SLC6A4: variants seen among roughly 807,000 people sequenced by gnomAD.
The protein encoded by SLC6A4 is solute carrier family 6 member 4.
In SLC6A4, 22 loss-of-function variants were observed where a neutral mutation model predicts 73.4. That is an observed-to-expected ratio of 0.30 (90% CI 0.21 to 0.43). The LOEUF (loss-of-function observed/expected upper bound fraction) is 0.43. SLC6A4 is among the 20% of genes least tolerant of loss of function. The probability of loss-of-function intolerance (pLI) is 1.00; values close to 1 mark genes in which losing one functional copy is unlikely to be tolerated. For synonymous variants in SLC6A4, 270 were observed against 315.5 expected (o/e 0.86, Z 1.53); for missense variants, 593 against 808.5 (o/e 0.73, Z 3.23).
chr17:30,230,089 AGAAGAAGAG>A (rs1442861830), intron 1 of SLC6A4, among the ~76,000 whole-genome samples: 2,540 of 132,868 alleles, frequency 0.019, 84 homozygotes, highest in African/African-American at 0.046. Flanking sequence ...AAGAAGAAGA[AGAAGAAGAG>A]GAGGAAGAGG....
chr17:30,227,475 T>TTGTGTG (rs377239184), intron 1 of SLC6A4, among the ~76,000 whole-genome samples: 15 of 150,674 alleles, frequency 1.0e-4, no homozygotes, highest in Admixed American at 9.9e-4. Context: ...GTGTGTGTGT[T>TTGTGTG]TGTGTGTGTG....
Position 30,216,587 on chromosome 17 carries a change from C to T in SLC6A4, c.838-371G>A, listed in dbSNP as rs547613174. On this transcript the variant is annotated intron_variant, in intron 6 of 14. Coordinates refer to ENST00000650711, the MANE Select transcript of SLC6A4 (RefSeq NM_001045.6). ...GCCACGATTATTAATTGTGGTACTACCAGTGGGTTGAAGGAATCTTGAAAA... is the reference window on the plus strand; with the variant it reads ...GCCACGATTATTAATTGTGGTACTATCAGTGGGTTGAAGGAATCTTGAAAA... Among the ~76,000 whole-genome samples the T allele has an allele frequency of 1.8e-4, 27 of 151,834 alleles. No individual in the cohort carries two copies. The South Asian group carries it at 5.0e-3, about 28-fold the overall frequency.
intron 9 of SLC6A4, among the ~76,000 whole-genome samples, chr17:30,212,419 T>C (rs1282664420): frequency 2.0e-5 from 3 of 152,206 alleles, no homozygotes; most frequent in African/African-American, 7.2e-5. Context: ...CAGGGTCTTA[T>C]TCTGTCACCC....
At chr17:30,221,445 C>A (rs559963025) in intron 3 of SLC6A4, among the ~76,000 whole-genome samples, 171 bp downstream of exon 3, 3 of 146,584 alleles carry the variant, frequency 2.0e-5, no homozygotes, top group African/African-American at 7.4e-5. Context: ...ACAGCCCACC[C>A]GGGTCACAGC....
At chr17:30,225,791 T>G (rs996359135) in intron 1 of SLC6A4, among the ~76,000 whole-genome samples, 7 of 152,340 alleles carry the variant, frequency 4.6e-5, no homozygotes, top group South Asian at 4.1e-4. Flanking sequence ...AGGGGTGCAG[T>G]TGACCAGCCA....
intron 10 of SLC6A4, among the ~76,000 whole-genome samples, chr17:30,210,891 T>C (rs55845558): frequency 0.057 from 8,691 of 152,124 alleles, 402 homozygotes; most frequent in African/African-American, 0.12. Context: ...AACTTCAATA[T>C]ATGAGGTCTC....
At position 30,207,947 on chromosome 17, in the gene SLC6A4, G is replaced by A. The variant is rs561355994; in HGVS notation, c.1550-115C>T. 101 of 724,770 alleles carry A rather than the reference G, an allele frequency of 1.4e-4. 1 individual carries two copies. The South Asian group carries it at 1.8e-3, about 13-fold the overall frequency. The allele number at this position is 724,770 out of a possible 1,614,324, so 44.9% of individuals were successfully genotyped here. Reference sequence around the variant, plus strand: ...ACAGGATCAGCACTGGGAATGACAAGGGGAAATGACAAGCCGGAATTCCTA... The same window carrying A: ...ACAGGATCAGCACTGGGAATGACAAAGGGAAATGACAAGCCGGAATTCCTA... On this transcript the variant is annotated intron_variant, in intron 12 of 14. Transcript: ENST00000650711.
At chr17:30,210,754 T>C in intron 10 of SLC6A4, 108 bp from the exon 11 acceptor site, 1 of 1,232,846 alleles carries the variant, frequency 8.1e-7, no homozygotes, top group East Asian at 2.5e-5. Context: ...CTGGTCAAGC[T>C]GATCATCACC....
intron 5 of SLC6A4, 143 bp from the exon 6 acceptor site, chr17:30,217,447 T>C: frequency 1.3e-6 from 1 of 773,162 alleles, no homozygotes; most frequent in Non-Finnish European, 2.0e-6. Flanking sequence ...CAGGAAGAGC[T>C]GGGATTGGCC....
At chr17:30,226,422 G>A (rs374861526) in intron 1 of SLC6A4, among the ~76,000 whole-genome samples, 6 of 152,220 alleles carry the variant, frequency 3.9e-5, no homozygotes, top group Admixed American at 1.3e-4. Flanking sequence ...CAGGCAAGCC[G>A]GGCCAGCTGG....
chr17:30,227,661 A>G (rs999879344), intron 1 of SLC6A4, among the ~76,000 whole-genome samples: 2 of 151,656 alleles, frequency 1.3e-5, no homozygotes, highest in Non-Finnish European at 2.9e-5. Flanking sequence ...AATTTTTTGT[A>G]TTTTTTTCAG....
chr17:30,223,546 C>T (rs1317966659), intron 1 of SLC6A4, among the ~76,000 whole-genome samples: 1 of 152,204 alleles, frequency 6.6e-6, no homozygotes, highest in Non-Finnish European at 1.5e-5. Flanking sequence ...CAGGCAATGT[C>T]AGTCACTAGG....
At chr17:30,199,830 A>G (rs1905977031) in intron 14 of SLC6A4, among the ~76,000 whole-genome samples, 1 of 152,166 alleles carries the variant, frequency 6.6e-6, no homozygotes. Flanking sequence ...CTAACATGTG[A>G]ACTATACCTG....
At chr17:30,203,850 A>G (rs985775216) in intron 13 of SLC6A4, among the ~76,000 whole-genome samples, 1 of 152,260 alleles carries the variant, frequency 6.6e-6, no homozygotes, top group Admixed American at 6.5e-5. Context: ...CCTGATGTCC[A>G]GGAAAGATAA....
intron 13 of SLC6A4, among the ~76,000 whole-genome samples, chr17:30,203,989 G>A (rs1249573479): frequency 6.6e-6 from 1 of 152,204 alleles, no homozygotes; most frequent in Non-Finnish European, 1.5e-5. Context: ...TCTGCCACTA[G>A]GCATCTCAAC....
intron 9 of SLC6A4, among the ~76,000 whole-genome samples, chr17:30,212,087 G>A (rs1250921303): frequency 6.6e-6 from 1 of 152,060 alleles, no homozygotes; most frequent in Non-Finnish European, 1.5e-5. Context: ...TTCTCCCTCT[G>A]TTGCTCTTTT....
chr17:30,203,987 T>A (rs1906114451), intron 13 of SLC6A4, among the ~76,000 whole-genome samples: 1 of 152,254 alleles, frequency 6.6e-6, no homozygotes, highest in Non-Finnish European at 1.5e-5. Context: ...GCTCTGCCAC[T>A]AGGCATCTCA....
intron 13 of SLC6A4, among the ~76,000 whole-genome samples, chr17:30,204,881 G>A (rs1906143408): frequency 6.6e-6 from 1 of 151,990 alleles, no homozygotes; most frequent in South Asian, 2.1e-4. Flanking sequence ...GGTTTTCCTG[G>A]GCAAAGAAAC....
intron 12 of SLC6A4, 43 bp downstream of exon 12, chr17:30,209,100 G>A (rs1469013166): frequency 7.3e-7 from 1 of 1,376,400 alleles, no homozygotes; most frequent in Non-Finnish European, 1.0e-6. Context: ...TGTGCTGGCT[G>A]ATGGTGTAGA....
Sources: gnomAD v4.1 joint callset for allele counts (sites outside exome capture counted in the v4.1 genomes callset) on GRCh38, gnomAD v4.1.1 for gene constraint, MANE v1.5 for transcripts, NCBI Gene and HGNC (gene_info 2026-07-23, HGNC 2026-07-21) for gene names.